Variants in PRKAR2A observed in about 807,000 individuals in gnomAD.
The protein encoded by PRKAR2A is protein kinase cAMP-dependent type II regulatory subunit alpha, also known as cAMP-dependent protein kinase type II-alpha regulatory subunit.
A neutral mutation model predicts 51.9 loss-of-function variants in PRKAR2A; 29 were observed. The ratio of observed to expected loss-of-function variants is 0.56; its 90% CI spans 0.42 to 0.76. The LOEUF is 0.76. Ranked by LOEUF, PRKAR2A falls within the 30% of genes least tolerant of loss-of-function variation. The pLI is 0.00. For missense variants in PRKAR2A, 445 were observed against 512.1 expected (o/e 0.87, Z 1.26); for synonymous variants, 178 against 186.2 (o/e 0.96, Z 0.36).
At chr3:48,762,782 T>C (rs939305975) in intron 8 of PRKAR2A, among the ~76,000 whole-genome samples, 5 of 152,036 alleles carry the variant, frequency 3.3e-5, no homozygotes, top group Admixed American at 6.6e-5. Flanking sequence ...AAAAATTACA[T>C]TTGTACAATG....
At chr3:48,774,131 C>T (rs1383792240) in intron 5 of PRKAR2A, among the ~76,000 whole-genome samples, 8 of 151,930 alleles carry the variant, frequency 5.3e-5, no homozygotes, top group African/African-American at 1.9e-4. Flanking sequence ...CCATGCCCGG[C>T]CTAATTTTTT....
chr3:48,754,408 T>C (rs1254967498), intron 9 of PRKAR2A, among the ~76,000 whole-genome samples: 1 of 152,206 alleles, frequency 6.6e-6, no homozygotes, highest in East Asian at 1.9e-4. Context: ...CGGCTAATTT[T>C]GTATTTTTAG....
chr3:48,833,964 G>C (rs1368128088), intron 1 of PRKAR2A, among the ~76,000 whole-genome samples: 1 of 150,732 alleles, frequency 6.6e-6, no homozygotes, highest in Non-Finnish European at 1.5e-5. Flanking sequence ...TTGAACCCGG[G>C]AGACAGGTTG....
At chr3:48,800,735 ATC>A (rs2082576436) in intron 2 of PRKAR2A, among the ~76,000 whole-genome samples, 1 of 151,696 alleles carries the variant, frequency 6.6e-6, no homozygotes, top group Non-Finnish European at 1.5e-5. Flanking sequence ...CAGCGGCGCA[ATC>A]TCCTCGGCTC....
intron 1 of PRKAR2A, among the ~76,000 whole-genome samples, chr3:48,825,028 C>CTTTTTTTTT (rs1168503342): frequency 1.3e-5 from 1 of 74,688 alleles, no homozygotes; most frequent in African/African-American, 5.2e-5. Flanking sequence ...ATTTTCTTTT[C>CTTTTTTTTT]TTTTTTTTTT....
intron 8 of PRKAR2A, among the ~76,000 whole-genome samples, chr3:48,761,532 AAAC>A (rs1484210742): frequency 4.6e-5 from 7 of 152,242 alleles, no homozygotes; most frequent in Admixed American, 6.5e-5. Context: ...TTAGATGTTG[AAAC>A]AACATTTTAG....
chr3:48,772,866 G>T, intron 6 of PRKAR2A, 89 bp downstream of exon 6: 1 of 1,316,588 alleles, frequency 7.6e-7, no homozygotes, highest in South Asian at 1.7e-5. Context: ...ATGGCTGTAA[G>T]ATATAGTGTA....
rs1553681026 is a variant in PRKAR2A, at chr3:48,829,847, G to GTATATATA, written c.262+17480_262+17487dup. On this transcript the variant is annotated intron_variant, in intron 1 of 10. Coordinates refer to ENST00000265563, the MANE Select transcript of PRKAR2A (RefSeq NM_004157.4). Reference sequence around the variant, plus strand: ...TATACATACATATATATGCGTGTGTGTATATATATATATATATATATATAT... The same window carrying GTATATATA: ...TATACATACATATATATGCGTGTGTGTATATATATATATATATATATATATATATATAT... Among the ~76,000 whole-genome samples, 81 of 63,754 alleles carry GTATATATA rather than the reference G, an allele frequency of 1.3e-3. 1 individual carries two copies. The highest frequency in any genetic ancestry group is 5.0e-3 in the African/African-American group (78 of 15,464). 41.8% of individuals were successfully genotyped at this position (63,754 alleles called of 152,430 possible).
intron 1 of PRKAR2A, among the ~76,000 whole-genome samples, chr3:48,810,070 C>A (rs1215928055): frequency 6.6e-6 from 1 of 152,164 alleles, no homozygotes; most frequent in Non-Finnish European, 1.5e-5. Context: ...CATTGCCAAT[C>A]AATTCTCTTC....
Position 48,808,809 on chromosome 3 carries a change from G to A in PRKAR2A, c.263-1125C>T, listed in dbSNP as rs551400366. On this transcript the variant is annotated intron_variant, in intron 1 of 10. Coordinates refer to ENST00000265563, the MANE Select transcript of PRKAR2A (RefSeq NM_004157.4). ...TGGGATTACAGGCGTGAGCCACCGC[G>A]CCTGGCCTGTATTTTTTTAGAGATG... Among the ~76,000 whole-genome samples, 318 of 115,728 alleles carry A rather than the reference G, an allele frequency of 2.7e-3. 4 individuals are homozygous for A. Among genetic ancestry groups the A allele is most frequent in the African/African-American group, 0.011 (299 of 28,430 alleles). 75.9% of individuals were successfully genotyped at this position (115,728 alleles called of 152,430 possible). A position where few individuals can be genotyped will look rare whatever the true frequency, so the allele number is the denominator to read the frequency against.
intron 1 of PRKAR2A, among the ~76,000 whole-genome samples, chr3:48,823,970 T>G (rs1445129049): frequency 2.0e-5 from 3 of 152,120 alleles, no homozygotes. Context: ...CTCACGCCTG[T>G]AATCCCAGCA....
intron 1 of PRKAR2A, among the ~76,000 whole-genome samples, chr3:48,811,637 G>C (rs1190737543): frequency 6.6e-6 from 1 of 152,254 alleles, no homozygotes; most frequent in South Asian, 2.1e-4. Context: ...TGGTTGCCAG[G>C]AGATGAAAGG....
chr3:48,814,635 C>T lies in PRKAR2A; in HGVS notation c.263-6951G>A, dbSNP rs143624387. ...GTAATGCCTTGTTCCATTTGTATTT[C>T]CAGAAAGTTCCATGAGTCTGACATG... is the stretch of plus-strand genomic sequence containing the variant. On this transcript the variant is annotated intron_variant, in intron 1 of 10. Coordinates refer to ENST00000265563, the MANE Select transcript of PRKAR2A (RefSeq NM_004157.4). 7.8e-3 allele frequency among the ~76,000 whole-genome samples: 1,180 copies of T among 152,196 alleles called. 10 individuals are homozygous for T. The highest frequency in any genetic ancestry group is 0.027 in the African/African-American group (1,124 of 41,516).
chr3:48,780,458 C>T (rs1303686298), intron 5 of PRKAR2A, among the ~76,000 whole-genome samples: 1 of 151,590 alleles, frequency 6.6e-6, no homozygotes, highest in African/African-American at 2.4e-5. Flanking sequence ...AAAAAATTAG[C>T]CGGGCATGGT....
intron 1 of PRKAR2A, among the ~76,000 whole-genome samples, chr3:48,832,473 A>C (rs988680425): frequency 2.0e-5 from 3 of 152,102 alleles, no homozygotes; most frequent in African/African-American, 7.2e-5. Context: ...GAACACGCAC[A>C]TTTTTTCTTT....
At position 48,815,781 on chromosome 3, in the gene PRKAR2A, G is replaced by T. The variant is rs181980904; in HGVS notation, c.263-8097C>A. ...CACGCCTGTAATCCCAGCACTTTGG[G>T]AGGCCAAAGCAGGCGGATCACAAGG... is the stretch of plus-strand genomic sequence containing the variant. On this transcript the variant is annotated intron_variant, in intron 1 of 10. Transcript: ENST00000265563. 5.4e-4 allele frequency among the ~76,000 whole-genome samples: 82 copies of T among 151,800 alleles called. 1 individual carries two copies. In the East Asian group the frequency reaches 0.015, roughly 27 times the overall value.
chr3:48,760,422 A>G (rs2081846221), intron 8 of PRKAR2A, among the ~76,000 whole-genome samples: 1 of 152,040 alleles, frequency 6.6e-6, no homozygotes, highest in African/African-American at 2.4e-5. Flanking sequence ...CAAGCCTGTA[A>G]TCTTAGCTAC....
chr3:48,758,344 C>T (rs1266374278), intron 8 of PRKAR2A, among the ~76,000 whole-genome samples: 5 of 151,514 alleles, frequency 3.3e-5, no homozygotes, highest in African/African-American at 1.2e-4. Context: ...TTTGGGAGGC[C>T]ACGGCAGGCA....
At chr3:48,746,331 CAACA>C (rs1277536415), downstream of PRKAR2A, among the ~76,000 whole-genome samples, 1 of 107,910 alleles carries the variant, frequency 9.3e-6, no homozygotes, top group Non-Finnish European at 1.7e-5. Context: ...CCAGCCTGGA[CAACA>C]TAGTGAGATC....
Sources: gnomAD v4.1 joint callset for allele counts (sites outside exome capture counted in the v4.1 genomes callset) on GRCh38, gnomAD v4.1.1 for gene constraint, MANE v1.5 for transcripts, NCBI Gene and HGNC (gene_info 2026-07-23, HGNC 2026-07-21) for gene names.